ASH1L: variants seen among roughly 807,000 people sequenced by gnomAD.
ASH1L encodes the protein histone-lysine N-methyltransferase ASH1L.
A neutral mutation model predicts 269.0 loss-of-function variants in ASH1L; 23 were observed. That is an observed-to-expected ratio of 0.09 (90% CI 0.06 to 0.12). ASH1L has a LOEUF of 0.12. ASH1L is among the 10% of genes least tolerant of loss of function. The pLI is 1.00. For missense variants in ASH1L, 2,912 were observed against 3,567.8 expected, an observed-to-expected ratio of 0.82 and a Z score of 4.68; for synonymous variants, 1,187 against 1,253.5, an observed-to-expected ratio of 0.95 and a Z score of 1.12.
chr1:155,424,557 G>A (rs531510705), intron 5 of ASH1L, among the ~76,000 whole-genome samples: 4 of 151,656 alleles, frequency 2.6e-5, no homozygotes, highest in Admixed American at 6.6e-5. Context: ...ACGGGCATGC[G>A]CCACTACGCC....
At chr1:155,381,657 T>C (rs2148447785) in intron 7 of ASH1L, among the ~76,000 whole-genome samples, 1 of 151,990 alleles carries the variant, frequency 6.6e-6, no homozygotes, top group African/African-American at 2.4e-5. Flanking sequence ...GGCAGATCAC[T>C]TGAGGTCAGG....
chr1:155,426,547 C>T (rs999457065), intron 5 of ASH1L, among the ~76,000 whole-genome samples: 1 of 152,098 alleles, frequency 6.6e-6, no homozygotes, highest in Non-Finnish European at 1.5e-5. Context: ...ACCATGTTGG[C>T]CAGGATAGTC....
chr1:155,481,458 C>T lies in ASH1L; in HGVS notation c.1412G>A (p.Arg471Gln), dbSNP rs955133017. The T allele has an allele frequency of 6.8e-6, 11 of 1,613,842 alleles. No homozygotes were observed. The highest frequency in any genetic ancestry group is 3.3e-5 in the Admixed American group (2 of 59,978). Residue 471 changes from arginine (R) to glutamine (Q), a missense_variant, in exon 3 of 28, where the codon CGG (arginine) becomes CAG (glutamine). By Grantham distance (43) the Arg-to-Gln change is conservative. Coordinates refer to ENST00000392403, the MANE Select transcript of ASH1L (RefSeq NM_018489.3). The stretch of plus-strand genomic sequence containing the variant: ...TTCCAATATGCTTTCTTTATTCTGC[C>T]GTACAACATTCTTTTCAAAAGTTTT... ...TSKTFEKNVVRQNKESILEKF... is the reference protein window; with the variant it reads ...TSKTFEKNVVQQNKESILEKF...
At chr1:155,487,557 T>C (rs1006071247) in intron 2 of ASH1L, among the ~76,000 whole-genome samples, 1 of 151,994 alleles carries the variant, frequency 6.6e-6, no homozygotes, top group Non-Finnish European at 1.5e-5. Context: ...TTTTTGTTTT[T>C]TGGTTTTTTT....
In ASH1L at chr1:155,360,292, T is replaced by A. The variant is rs777982009; in HGVS notation, c.6795+9A>T. ...AGTTCAATCTCCCTCTAGGATTTAT[T>A]ATTCTTACCTGTTTTTCCACATTGA... On this transcript the variant is annotated intron_variant, in intron 13 of 27. Transcript: ENST00000392403. The A allele has an allele frequency of 1.3e-6, 2 of 1,559,316 alleles. No individual in the cohort carries two copies. Among genetic ancestry groups the A allele is most frequent in the South Asian group, 2.2e-5 (2 of 89,906 alleles).
At chr1:155,494,781 G>A (rs1042132156) in intron 2 of ASH1L, among the ~76,000 whole-genome samples, 5 of 152,134 alleles carry the variant, frequency 3.3e-5, no homozygotes, top group African/African-American at 4.8e-5. Context: ...AAATTTAGAA[G>A]TCAACAGCAT....
chr1:155,411,586 A>AATATATATATATAAATATATATATATAT (rs1553253332), intron 6 of ASH1L, among the ~76,000 whole-genome samples: 7 of 55,176 alleles, frequency 1.3e-4, no homozygotes, highest in Admixed American at 1.0e-3. Context: ...TAAATAAATA[A>AATATATATATATAAATATATATATATAT]ATATATATAT....
chr1:155,337,691 A>G lies in ASH1L; in HGVS notation c.8864T>C (p.Leu2955Ser). The change falls in exon 28 of 28, where the codon TTG (leucine) becomes TCG (serine). Residue 2955 changes from leucine (L) to serine (S), a missense_variant. Coordinates refer to ENST00000392403, the MANE Select transcript of ASH1L (RefSeq NM_018489.3). Reference protein sequence around the residue: ...GSGRKLRRRTLFIPENSFRK With the variant: ...GSGRKLRRRTSFIPENSFRK ...TCGAAAGCTGTTTTCTGGGATAAAC[A>G]AAGTACGCCTTCGCAGTTTCCTGCC... is the stretch of plus-strand genomic sequence containing the variant. 2 of 1,613,996 alleles carry G rather than the reference A, an allele frequency of 1.2e-6. No individual in the cohort carries two copies. The highest frequency in any genetic ancestry group is 1.1e-5 in the South Asian group (1 of 91,084).
chr1:155,366,888 G>A (rs1223278566), intron 12 of ASH1L, among the ~76,000 whole-genome samples: 1 of 151,876 alleles, frequency 6.6e-6, no homozygotes, highest in Non-Finnish European at 1.5e-5. Context: ...GTTGGCTAGG[G>A]TGGTCTCGAA....
chr1:155,354,957 A>T (rs1654241536), intron 15 of ASH1L, among the ~76,000 whole-genome samples: 1 of 152,226 alleles, frequency 6.6e-6, no homozygotes. Flanking sequence ...ATCAGCTATA[A>T]CAAGGAGAAC....
chr1:155,487,688 C>T (rs1239814318), intron 2 of ASH1L, among the ~76,000 whole-genome samples: 1 of 151,426 alleles, frequency 6.6e-6, no homozygotes, highest in Non-Finnish European at 1.5e-5. Flanking sequence ...CTGGCAAACA[C>T]ATTTCTTAAT....
chr1:155,337,944 A>T, intron 27 of ASH1L, 145 bp downstream of exon 27: 1 of 1,036,200 alleles, frequency 9.7e-7, no homozygotes. Flanking sequence ...TTCACTACCA[A>T]GATACAACTA....
intron 1 of ASH1L, among the ~76,000 whole-genome samples, chr1:155,538,331 T>C (rs550297850): frequency 4.2e-4 from 63 of 148,924 alleles, no homozygotes; most frequent in Middle Eastern, 3.6e-3. Flanking sequence ...GCATGAGCTA[T>C]GGCACCTGGC....
intron 2 of ASH1L, among the ~76,000 whole-genome samples, chr1:155,496,230 CA>C (rs1431534004): frequency 6.6e-6 from 1 of 152,020 alleles, no homozygotes; most frequent in Non-Finnish European, 1.5e-5. Context: ...AAAACACAAA[CA>C]AACATTAGCT....
At chr1:155,511,420 A>G (rs965620306) in intron 2 of ASH1L, among the ~76,000 whole-genome samples, 2 of 152,178 alleles carry the variant, frequency 1.3e-5, no homozygotes, top group Non-Finnish European at 2.9e-5. Flanking sequence ...CTCTCTGGAG[A>G]CTTTCCAAAC....
intron 15 of ASH1L, among the ~76,000 whole-genome samples, 182 bp downstream of exon 15, chr1:155,357,133 TA>T (rs1225525650): frequency 1.7e-3 from 38 of 22,470 alleles, no homozygotes; most frequent in African/African-American, 5.6e-3. Context: ...GGGTAAGACT[TA>T]AAAAAAAAAA....
intron 2 of ASH1L, among the ~76,000 whole-genome samples, chr1:155,502,068 TTTC>T (rs1667546409): frequency 6.7e-6 from 1 of 150,118 alleles, no homozygotes; most frequent in Non-Finnish European, 1.5e-5. Context: ...TTTCTTTTCT[TTTC>T]TTTTTTTTTT....
intron 4 of ASH1L, among the ~76,000 whole-genome samples, chr1:155,439,315 A>G (rs1662356331): frequency 6.6e-6 from 1 of 152,202 alleles, no homozygotes; most frequent in Admixed American, 6.5e-5. Context: ...AGGATTAGAA[A>G]GAAAAAAATT....
intron 6 of ASH1L, among the ~76,000 whole-genome samples, chr1:155,397,559 A>G (rs532874258): frequency 3.0e-4 from 45 of 151,398 alleles, no homozygotes; most frequent in African/African-American, 1.1e-3. Flanking sequence ...TCATTTATTT[A>G]TTTTTTTCTT....
Sources: allele counts gnomAD v4.1 joint callset (sites outside exome capture counted in the v4.1 genomes callset), GRCh38; gene constraint gnomAD v4.1.1; transcripts MANE v1.5; gene names NCBI Gene and HGNC (gene_info 2026-07-23, HGNC 2026-07-21).